The following PEX5L variants were observed in gnomAD, a reference collection of about 807,000 sequenced individuals.
The protein encoded by PEX5L is peroxisomal biogenesis factor 5 like.
PEX5L carries 30 observed loss-of-function variants against 84.0 expected under a neutral mutation model. The ratio of observed to expected loss-of-function variants is 0.36; its 90% CI spans 0.27 to 0.48. The LOEUF (loss-of-function observed/expected upper bound fraction) is 0.48, where lower values mean the gene tolerates loss of function less well. Among genes scored for constraint, PEX5L ranks in the 20% least tolerant of loss-of-function variants. The probability of loss-of-function intolerance (pLI) is 0.99; values close to 1 mark genes in which losing one functional copy is unlikely to be tolerated. For synonymous variants in PEX5L, 270 were observed against 283.1 expected (o/e 0.95, Z 0.46); for missense variants, 533 against 754.6 (o/e 0.71, Z 3.44).
At chr3:179,947,228 CAA>C (rs1777799902) in intron 2 of PEX5L, among the ~76,000 whole-genome samples, 1 of 151,996 alleles carries the variant, frequency 6.6e-6, no homozygotes, top group African/African-American at 2.4e-5. Flanking sequence ...AAAAATTCTG[CAA>C]AGAGTGTAAT....
chr3:179,971,455 G>A, intron 2 of PEX5L, 139 bp downstream of exon 2: 1 of 1,249,200 alleles, frequency 8.0e-7, no homozygotes, highest in Non-Finnish European at 1.0e-6. Flanking sequence ...GAGCGGCTTA[G>A]CTGCTCTCAA....
chr3:180,020,386 A>G (rs1044442752), intron 1 of PEX5L, among the ~76,000 whole-genome samples: 2 of 152,058 alleles, frequency 1.3e-5, no homozygotes, highest in East Asian at 1.9e-4. Flanking sequence ...CCTATTTTAC[A>G]TATATCTTAT....
At chr3:179,818,069 AGATT>A (rs1156270758) in intron 9 of PEX5L, among the ~76,000 whole-genome samples, 4 of 152,324 alleles carry the variant, frequency 2.6e-5, no homozygotes, top group South Asian at 2.1e-4. Flanking sequence ...ATGACTATGT[AGATT>A]GCAGATCTAC....
intron 1 of PEX5L, among the ~76,000 whole-genome samples, chr3:180,034,666 T>C (rs1791742901): frequency 6.6e-6 from 1 of 152,148 alleles, no homozygotes; most frequent in Non-Finnish European, 1.5e-5. Context: ...ACATTAATGG[T>C]TAATAGTAAG....
At chr3:180,013,214 T>C (rs1476089259) in intron 1 of PEX5L, among the ~76,000 whole-genome samples, 1 of 152,208 alleles carries the variant, frequency 6.6e-6, no homozygotes, top group Non-Finnish European at 1.5e-5. Context: ...AGCAATGTAT[T>C]ACCCATGACA....
intron 1 of PEX5L, among the ~76,000 whole-genome samples, chr3:180,001,485 GA>G (rs1259728349): frequency 1.4e-5 from 2 of 141,012 alleles, no homozygotes; most frequent in African/African-American, 5.6e-5. Flanking sequence ...CATGTTAAAA[GA>G]AAACAAATTT....
In PEX5L at chr3:179,897,677, A is replaced by G. The variant is rs181105826; in HGVS notation, c.198+465T>C. On this transcript the variant is annotated intron_variant, in intron 3 of 14. Coordinates refer to ENST00000467460, the MANE Select transcript of PEX5L (RefSeq NM_016559.3). ...CATAAATATGTATAGACATATATGT[A>G]GTATGCATAGTCACAACATAAATAT... Among the ~76,000 whole-genome samples the G allele has an allele frequency of 9.3e-4, 141 of 152,286 alleles. 1 individual carries two copies. In the Middle Eastern group the frequency reaches 0.01, roughly 11 times the overall value.
intron 1 of PEX5L, among the ~76,000 whole-genome samples, chr3:179,979,056 G>A (rs1786067569): frequency 6.6e-6 from 1 of 152,334 alleles, no homozygotes; most frequent in East Asian, 1.9e-4. Context: ...AAAGTGGCAA[G>A]TGACTTCTCA....
Position 179,918,205 on chromosome 3 carries a change from A to G in PEX5L, c.94-19959T>C, listed in dbSNP as rs141309387. Among the ~76,000 whole-genome samples the G allele has an allele frequency of 6.1e-3, 929 of 152,208 alleles. 12 individuals carry two copies. The highest frequency in any genetic ancestry group is 0.031 in the East Asian group (159 of 5,162). ...GCCAAGTTTGTGCATTCTTGGGCCC[A>G]TGTTGTCAGCCATGACCCTCTACTA... On this transcript the variant is annotated intron_variant, in intron 2 of 14. Coordinates refer to ENST00000467460, the MANE Select transcript of PEX5L (RefSeq NM_016559.3).
At chr3:179,817,185 T>C (rs545918005) in intron 9 of PEX5L, among the ~76,000 whole-genome samples, 17 of 152,300 alleles carry the variant, frequency 1.1e-4, no homozygotes, top group African/African-American at 3.6e-4. Flanking sequence ...CTGTTGAGCA[T>C]GCATGTTTTA....
intron 2 of PEX5L, among the ~76,000 whole-genome samples, chr3:179,942,245 G>A (rs1011919934): frequency 6.6e-5 from 10 of 152,112 alleles, no homozygotes; most frequent in African/African-American, 1.9e-4. Flanking sequence ...AAGAAGCCTG[G>A]GCCTCATTTC....
intron 14 of PEX5L, among the ~76,000 whole-genome samples, chr3:179,802,682 T>A (rs1378733828): frequency 6.6e-6 from 1 of 152,198 alleles, no homozygotes; most frequent in Non-Finnish European, 1.5e-5. Flanking sequence ...GAACACTTAA[T>A]GCATTTGCAG....
At chr3:179,815,515 G>T (rs894505215) in intron 10 of PEX5L, among the ~76,000 whole-genome samples, 1 of 152,200 alleles carries the variant, frequency 6.6e-6, no homozygotes, top group African/African-American at 2.4e-5. Context: ...AACCTGGGAG[G>T]CGGAGGTTGC....
chr3:180,013,853 T>C (rs1416579402), intron 1 of PEX5L, among the ~76,000 whole-genome samples: 1 of 152,236 alleles, frequency 6.6e-6, no homozygotes, highest in Non-Finnish European at 1.5e-5. Flanking sequence ...TTTCTACCTT[T>C]CTTTTTGTCC....
chr3:179,830,152 T>C lies in PEX5L; in HGVS notation c.823-10176A>G, dbSNP rs574294817. Among the ~76,000 whole-genome samples, 3 of 152,138 alleles carry C rather than the reference T, an allele frequency of 2.0e-5. No individual in the cohort carries two copies. The South Asian group carries it at 6.2e-4, about 32-fold the overall frequency. On this transcript the variant is annotated intron_variant, in intron 8 of 14. Transcript: ENST00000467460. ...ACTACCTTTTACTTTGTGGAAATAG[T>C]ATTTTCCTCTCATTCTTTCAGAATA...
At chr3:179,901,569 G>T (rs1761358199) in intron 2 of PEX5L, among the ~76,000 whole-genome samples, 2 of 152,136 alleles carry the variant, frequency 1.3e-5, no homozygotes, top group African/African-American at 4.8e-5. Flanking sequence ...AATAATTTCA[G>T]CCTATTTCTT....
At chr3:179,990,606 T>A (rs1181394016) in intron 1 of PEX5L, among the ~76,000 whole-genome samples, 1 of 152,132 alleles carries the variant, frequency 6.6e-6, no homozygotes, top group Non-Finnish European at 1.5e-5. Context: ...TCTCAATATG[T>A]TTCCCAGGCT....
At chr3:179,917,641 T>C (rs1446028985) in intron 2 of PEX5L, among the ~76,000 whole-genome samples, 1 of 152,220 alleles carries the variant, frequency 6.6e-6, no homozygotes, top group Non-Finnish European at 1.5e-5. Flanking sequence ...ATGTGGTCTG[T>C]TGTTGACTGA....
chr3:180,007,220 G>C (rs1288994049), intron 1 of PEX5L, among the ~76,000 whole-genome samples: 1 of 152,166 alleles, frequency 6.6e-6, no homozygotes, highest in African/African-American at 2.4e-5. Context: ...ACCCATGCAA[G>C]TCCAAAATCC....
Sources: gnomAD v4.1 joint callset for allele counts (sites outside exome capture counted in the v4.1 genomes callset) on GRCh38, gnomAD v4.1.1 for gene constraint, MANE v1.5 for transcripts, NCBI Gene and HGNC (gene_info 2026-07-23, HGNC 2026-07-21) for gene names.